Variants in PGGT1B observed in about 807,000 individuals in gnomAD.
PGGT1B encodes geranylgeranyl transferase type-1 subunit beta.
In PGGT1B, 30 loss-of-function variants were observed where a neutral mutation model predicts 46.1. That is an observed-to-expected ratio of 0.65 (90% CI 0.49 to 0.88). The LOEUF is 0.88. Among genes scored for constraint, PGGT1B ranks in the 40% least tolerant of loss-of-function variants. PGGT1B has a pLI of 0.00. For synonymous variants in PGGT1B, 170 were observed against 160.0 expected, an observed-to-expected ratio of 1.06 and a Z score of -0.47; for missense variants, 376 against 455.9, an observed-to-expected ratio of 0.82 and a Z score of 1.60.
Position 115,205,171 on chromosome 5 carries a change from TA to T in PGGT1B, c.*7230del, listed in dbSNP as rs1391438042. On this transcript the variant is annotated 3_prime_UTR_variant, in exon 9 of 9. Transcript: ENST00000419445. ...ATGAGAGGGAAATTGGCTTTGAGCC[TA>T]AATTCATAATCTTTTACTTTTTCAC... The T allele has an allele frequency of 6.6e-6, 1 of 152,198 alleles. No homozygotes were observed. Among genetic ancestry groups the T allele is most frequent in the Non-Finnish European group, 1.5e-5 (1 of 68,028 alleles). 9.4% of individuals were successfully genotyped at this position (152,198 alleles called of 1,614,324 possible).
chr5:115,259,854 A>C (rs1027670575), intron 1 of PGGT1B, among the ~76,000 whole-genome samples: 1 of 152,174 alleles, frequency 6.6e-6, no homozygotes, highest in Non-Finnish European at 1.5e-5. Context: ...AATAAAAGCT[A>C]ACTGCCTAAA....
At position 115,204,569 on chromosome 5, in the gene PGGT1B, G is replaced by GA. The variant is rs1439017238; in HGVS notation, c.*7832dup. 6.6e-6 allele frequency: 1 copy of GA among 151,996 alleles called. No homozygotes were observed. Among genetic ancestry groups the GA allele is most frequent in the Non-Finnish European group, 1.5e-5 (1 of 67,986 alleles). 9.4% of individuals were successfully genotyped at this position (151,996 alleles called of 1,614,324 possible). A position where few individuals can be genotyped will look rare whatever the true frequency, so the allele number is the denominator to read the frequency against. ...AATACCATTTTCACCCACCTAGAATGAAAAAACTTTAAGCTTGATAAAATC... is the reference window on the plus strand; with the variant it reads ...AATACCATTTTCACCCACCTAGAATGAAAAAAACTTTAAGCTTGATAAAATC... On this transcript the variant is annotated 3_prime_UTR_variant, in exon 9 of 9. Transcript: ENST00000419445.
At chr5:115,242,308 A>G (rs559449869) in intron 2 of PGGT1B, among the ~76,000 whole-genome samples, 3 of 152,348 alleles carry the variant, frequency 2.0e-5, no homozygotes, top group South Asian at 2.1e-4. Context: ...ACAATCAACT[A>G]TACAACAATT....
rs988626812 is a variant in PGGT1B, at chr5:115,212,146, C to G, written c.*256G>C. ...ACCTACACACATACAGTTAATTTGC[C>G]TCAAACAACTTCTTAGAAATACAGT... On this transcript the variant is annotated 3_prime_UTR_variant, in exon 9 of 9. Coordinates refer to ENST00000419445, the MANE Select transcript of PGGT1B (RefSeq NM_005023.4). The G allele has an allele frequency of 4.6e-6, 2 of 439,236 alleles. No homozygotes were observed. The highest frequency in any genetic ancestry group is 7.9e-6 in the Non-Finnish European group (2 of 254,124). The allele number at this position is 439,236 out of a possible 1,614,324, so 27.2% of individuals were successfully genotyped here.
At position 115,241,531 on chromosome 5, in the gene PGGT1B, G is replaced by C. The variant is rs1757344243; in HGVS notation, c.327+8C>G. On this transcript the variant is annotated splice_region_variant and intron_variant, in intron 3 of 8. Transcript: ENST00000419445. ...CTTCTACTTCCTTCTGAACCAAATA[G>C]AACCAACCTTTGATGGATTGAACGG... 1 of 1,587,646 alleles carries C rather than the reference G, an allele frequency of 6.3e-7. No homozygotes were observed. Among genetic ancestry groups the C allele is most frequent in the South Asian group, 1.1e-5 (1 of 88,272 alleles).
intron 6 of PGGT1B, among the ~76,000 whole-genome samples, chr5:115,228,387 A>G (rs1756861733): frequency 6.6e-6 from 1 of 152,244 alleles, no homozygotes; most frequent in Non-Finnish European, 1.5e-5. Context: ...CAGACAATAA[A>G]CAAATAGATA....
At chr5:115,214,672 G>A (rs1285061977) in intron 8 of PGGT1B, among the ~76,000 whole-genome samples, 2 of 152,136 alleles carry the variant, frequency 1.3e-5, no homozygotes, top group Non-Finnish European at 2.9e-5. Flanking sequence ...TTACACAAAT[G>A]TTAAAGTTAG....
At chr5:115,214,593 A>G (rs1343378178) in intron 8 of PGGT1B, among the ~76,000 whole-genome samples, 1 of 152,220 alleles carries the variant, frequency 6.6e-6, no homozygotes. Context: ...AAGCCCTTCT[A>G]TGCTTTCTAT....
intron 7 of PGGT1B, 50 bp from the exon 8 acceptor site, chr5:115,217,023 C>T: frequency 1.2e-6 from 1 of 822,480 alleles, no homozygotes. Flanking sequence ...CTCATATCAA[C>T]CTTTGGCTCA....
At chr5:115,258,698 A>G (rs1424444400) in intron 1 of PGGT1B, among the ~76,000 whole-genome samples, 6 of 152,234 alleles carry the variant, frequency 3.9e-5, no homozygotes, top group Non-Finnish European at 8.8e-5. Context: ...ACTTCTTCCA[A>G]GAAGCCTTCT....
chr5:115,232,168 T>C (rs923130013), intron 5 of PGGT1B, among the ~76,000 whole-genome samples: 1 of 152,088 alleles, frequency 6.6e-6, no homozygotes, highest in Admixed American at 6.6e-5. Flanking sequence ...ATTAGAGTTA[T>C]AGAAGAAACA....
chr5:115,262,183 C>T (rs1748585849), intron 1 of PGGT1B, among the ~76,000 whole-genome samples: 1 of 152,188 alleles, frequency 6.6e-6, no homozygotes, highest in African/African-American at 2.4e-5. Context: ...TATTGCGATA[C>T]TTTTAACAGG....
Position 115,241,569 on chromosome 5 carries a change from T to G in PGGT1B, c.297A>C (p.Ser99=). 2 of 1,608,892 alleles carry G rather than the reference T, an allele frequency of 1.2e-6. No individual in the cohort carries two copies. Among genetic ancestry groups the G allele is most frequent in the Non-Finnish European group, 8.5e-7 (1 of 1,177,318 alleles). The change falls in exon 3 of 9, where the codon TCA becomes TCC. Residue 99 remains serine, a synonymous_variant. Coordinates refer to ENST00000419445, the MANE Select transcript of PGGT1B (RefSeq NM_005023.4). ...NLNRCGFRGS[S]YLGIPFNPSK... ...ATGGATTGAACGGAATACCCAGGTA[T>G]GAAGAGCCTCGGAAACCACAGCGAT...
intron 5 of PGGT1B, among the ~76,000 whole-genome samples, chr5:115,234,523 G>A (rs1271572009): frequency 6.6e-6 from 1 of 152,002 alleles, no homozygotes; most frequent in East Asian, 1.9e-4. Flanking sequence ...GTGGGCAGGA[G>A]AGAGCTAAGT....
At chr5:115,257,550 AAG>A (rs1181080181) in intron 1 of PGGT1B, among the ~76,000 whole-genome samples, 1 of 151,540 alleles carries the variant, frequency 6.6e-6, no homozygotes, top group African/African-American at 2.4e-5. Flanking sequence ...AAAAAAAAAA[AAG>A]AATGAAAAAC....
intron 1 of PGGT1B, among the ~76,000 whole-genome samples, chr5:115,256,727 A>C (rs927631844): frequency 2.0e-5 from 3 of 152,198 alleles, no homozygotes; most frequent in Admixed American, 1.3e-4. Context: ...AAAACAAGCC[A>C]CAAAAAACAC....
intron 6 of PGGT1B, among the ~76,000 whole-genome samples, chr5:115,229,727 C>T (rs1053111717): frequency 4.3e-4 from 65 of 152,226 alleles, no homozygotes; most frequent in African/African-American, 1.4e-3. Context: ...TTCTTAGAGC[C>T]GCCAGATTTC....
At chr5:115,216,368 G>C (rs1756417352) in intron 8 of PGGT1B, among the ~76,000 whole-genome samples, 2 of 152,150 alleles carry the variant, frequency 1.3e-5, no homozygotes, top group Admixed American at 1.3e-4. Flanking sequence ...TTGAACTCCT[G>C]ACCTCAAGTG....
intron 3 of PGGT1B, among the ~76,000 whole-genome samples, chr5:115,239,223 T>C (rs989593081): frequency 3.3e-5 from 5 of 152,214 alleles, no homozygotes; most frequent in South Asian, 4.1e-4. Context: ...TTGTATTTTA[T>C]GTACAGAACA....
Sources: gnomAD v4.1 joint callset for allele counts (sites outside exome capture counted in the v4.1 genomes callset) on GRCh38, gnomAD v4.1.1 for gene constraint, MANE v1.5 for transcripts, NCBI Gene and HGNC (gene_info 2026-07-23, HGNC 2026-07-21) for gene names.